The following TAS2R1 variants were observed in gnomAD, a reference collection of about 807,000 sequenced individuals.
The protein encoded by TAS2R1 is taste 2 receptor member 1, also known as taste receptor type 2 member 1.
For synonymous variants in TAS2R1, 141 were observed against 134.2 expected, an observed-to-expected ratio of 1.05 and a Z score of -0.35; for missense variants, 370 against 353.4, an observed-to-expected ratio of 1.05 and a Z score of -0.38.
At chr5:9,716,433 C>T (rs1734813075), upstream of TAS2R1, among the ~76,000 whole-genome samples, 1 of 152,076 alleles carries the variant, frequency 6.6e-6, no homozygotes, top group South Asian at 2.1e-4. Context: ...AAGGACCCTG[C>T]TTTTAGCTAA....
chr5:9,695,145 C>T (rs753060740), intron 1 of TAS2R1, among the ~76,000 whole-genome samples: 1 of 152,208 alleles, frequency 6.6e-6, no homozygotes, highest in Admixed American at 6.5e-5. Context: ...AATTCAATCA[C>T]TCATGCCTAG....
intron 1 of TAS2R1, among the ~76,000 whole-genome samples, chr5:9,666,924 AAC>A (rs1268829282): frequency 1.2e-4 from 19 of 152,222 alleles, no homozygotes; most frequent in African/African-American, 4.6e-4. Context: ...CACGAAATCA[AAC>A]ACAGAAAAGT....
At chr5:9,649,366 A>G (rs542324899) in intron 2 of TAS2R1, among the ~76,000 whole-genome samples, 1 of 152,352 alleles carries the variant, frequency 6.6e-6, no homozygotes, top group South Asian at 2.1e-4. Context: ...TATATAGACA[A>G]GAAAATATTT....
At chr5:9,857,111 T>C in the TAS2R1 span, among the ~76,000 whole-genome samples, 6 of 152,106 alleles carry the variant, frequency 3.9e-5, no homozygotes, top group Admixed American at 6.5e-5. Flanking sequence ...TATGGAAGCA[T>C]AGAGTAGAAT....
the TAS2R1 span, among the ~76,000 whole-genome samples, chr5:9,871,467 C>T: frequency 6.6e-6 from 1 of 152,136 alleles, no homozygotes; most frequent in African/African-American, 2.4e-5. Context: ...CCACAGTGTC[C>T]ACTCTGTCTG....
chr5:9,634,378 G>A (rs1213345866), upstream of TAS2R1, among the ~76,000 whole-genome samples: 1 of 151,944 alleles, frequency 6.6e-6, no homozygotes, highest in Non-Finnish European at 1.5e-5. Context: ...GTTATGTGAT[G>A]CTTCCAGGTT....
the TAS2R1 span, among the ~76,000 whole-genome samples, chr5:9,895,824 A>G: frequency 1.3e-5 from 2 of 152,248 alleles, no homozygotes; most frequent in African/African-American, 4.8e-5. Flanking sequence ...AGTTGCCCTA[A>G]TAAGAAACAG....
the TAS2R1 span, among the ~76,000 whole-genome samples, chr5:9,880,968 T>C: frequency 1.3e-5 from 2 of 152,080 alleles, no homozygotes; most frequent in African/African-American, 2.4e-5. Context: ...AGAACTCTGA[T>C]GTCCCTGGGA....
At chr5:9,651,093 T>C (rs1740296488) in intron 2 of TAS2R1, among the ~76,000 whole-genome samples, 1 of 151,966 alleles carries the variant, frequency 6.6e-6, no homozygotes, top group Non-Finnish European at 1.5e-5. Flanking sequence ...AGACTCAGAG[T>C]ATAAAAAGTT....
chr5:9,641,733 C>G (rs1457613400), intron 2 of TAS2R1: 1 of 152,182 alleles, frequency 6.6e-6, no homozygotes, highest in Non-Finnish European at 1.5e-5. Context: ...TTTTAACACT[C>G]AACACAACAA....
chr5:9,903,094 T>C, the TAS2R1 span, among the ~76,000 whole-genome samples: 2 of 151,998 alleles, frequency 1.3e-5, no homozygotes, highest in East Asian at 3.9e-4. Context: ...TTACAAACAA[T>C]CCAAGTACAC....
At chr5:9,748,861 A>T in the TAS2R1 span, among the ~76,000 whole-genome samples, 1 of 152,124 alleles carries the variant, frequency 6.6e-6, no homozygotes, top group Non-Finnish European at 1.5e-5. Context: ...AAGAATTCTC[A>T]ACCCCCTTTG....
At chr5:9,782,723 T>C in the TAS2R1 span, among the ~76,000 whole-genome samples, 7 of 152,212 alleles carry the variant, frequency 4.6e-5, no homozygotes. Context: ...AAAACACTTT[T>C]AAAGGCAATA....
chr5:9,741,844 T>C, the TAS2R1 span, among the ~76,000 whole-genome samples: 3 of 152,156 alleles, frequency 2.0e-5, no homozygotes, highest in African/African-American at 7.2e-5. Context: ...ACGTCATTAT[T>C]CATAAGGCTT....
chr5:9,670,240 A>G (rs948277247), intron 1 of TAS2R1, among the ~76,000 whole-genome samples: 3 of 152,108 alleles, frequency 2.0e-5, no homozygotes, highest in Admixed American at 6.6e-5. Flanking sequence ...AATGAGTTGT[A>G]TTAAATCAAG....
chr5:9,712,080 T>G (rs1032341884), intron 1 of TAS2R1: 1 of 151,232 alleles, frequency 6.6e-6, no homozygotes, highest in African/African-American at 2.4e-5. Flanking sequence ...TGGGGTAACA[T>G]CTTTCTTTGT....
At chr5:9,749,775 C>T in the TAS2R1 span, among the ~76,000 whole-genome samples, 1 of 152,204 alleles carries the variant, frequency 6.6e-6, no homozygotes, top group Non-Finnish European at 1.5e-5. Context: ...ATTAACACAA[C>T]AAAACTGATT....
chr5:9,789,053 C>G, the TAS2R1 span, among the ~76,000 whole-genome samples: 5 of 152,116 alleles, frequency 3.3e-5, no homozygotes, highest in Admixed American at 3.3e-4. Context: ...ACTTAACAAC[C>G]TCTAAAGCAA....
chr5:9,710,456 G>A (rs1056648731), intron 1 of TAS2R1, among the ~76,000 whole-genome samples: 2 of 152,156 alleles, frequency 1.3e-5, no homozygotes, highest in Non-Finnish European at 1.5e-5. Context: ...TTATGTCTGA[G>A]ACATAGTTTT....
Sources: allele counts gnomAD v4.1 joint callset (sites outside exome capture counted in the v4.1 genomes callset), GRCh38; gene constraint gnomAD v4.1.1; transcripts MANE v1.5; gene names NCBI Gene and HGNC (gene_info 2026-07-23, HGNC 2026-07-21).